Variants in UTP20 observed in about 807,000 individuals in gnomAD.
UTP20 encodes the protein small subunit processome component 20 homolog.
UTP20 carries 164 observed loss-of-function variants against 329.5 expected under a neutral mutation model. The observed-to-expected ratio is 0.50, with a 90% CI of 0.44 to 0.57. UTP20 has a LOEUF of 0.57. Ranked by LOEUF, UTP20 falls within the 20% of genes least tolerant of loss-of-function variation. UTP20 has a pLI of 0.00. For synonymous variants in UTP20, 1,151 were observed against 1,159.3 expected (o/e 0.99, Z 0.14); for missense variants, 3,055 against 3,284.2 (o/e 0.93, Z 1.71).
chr12:101,338,559 T>C (rs1593438822), intron 30 of UTP20, among the ~76,000 whole-genome samples: 1 of 152,346 alleles, frequency 6.6e-6, no homozygotes, highest in East Asian at 1.9e-4. Context: ...TCCCAAATAA[T>C]TCCCTTACTA....
chr12:101,356,794 T>A, intron 42 of UTP20, 101 bp downstream of exon 42: 1 of 1,498,392 alleles, frequency 6.7e-7, no homozygotes, highest in South Asian at 1.3e-5. Context: ...AAAAGTACTG[T>A]CATAACTTGC....
Position 101,375,755 on chromosome 12 carries a change from G to T in UTP20, c.7395G>T (p.Trp2465Cys). The T allele has an allele frequency of 1.3e-6, 2 of 1,529,664 alleles. No homozygotes were observed. The highest frequency in any genetic ancestry group is 1.8e-6 in the Non-Finnish European group (2 of 1,116,288). The allele number at this position is 1,529,664 out of a possible 1,614,324, so 94.8% of individuals were successfully genotyped here. Residue 2465 changes from tryptophan to cysteine, a missense_variant and splice_region_variant, in exon 56 of 62, where the codon TGG becomes TGT. Physicochemically the swap from Trp to Cys is radical, Grantham distance 215 (BLOSUM62 -2). This residue lies in a region of UTP20 where 273 missense variants were observed against 363.1 expected (regional missense o/e 0.75). Coordinates refer to ENST00000261637, the MANE Select transcript of UTP20 (RefSeq NM_014503.3). ...TKPAETLSKI[W>C]SHVHSHLRHP... The stretch of plus-strand genomic sequence containing the variant: ...CCGCTGAGACTTTGAGTAAAATCTG[G>T]AGTAAGTATTTCCTTTTTTATTTAA...
chr12:101,321,650 CT>C, intron 25 of UTP20, 21 bp downstream of exon 25: 5 of 1,607,572 alleles, frequency 3.1e-6, no homozygotes, highest in Non-Finnish European at 4.2e-6. Flanking sequence ...TGTTCAAACA[CT>C]GATTTTTAAA....
In UTP20 at chr12:101,385,649, G is replaced by A. The variant is rs1870801555; in HGVS notation, c.8123G>A (p.Ser2708Asn). 2 of 1,613,966 alleles carry A rather than the reference G, an allele frequency of 1.2e-6. No homozygotes were observed. Among genetic ancestry groups the A allele is most frequent in the Non-Finnish European group, 1.7e-6 (2 of 1,180,010 alleles). ...ELLKKLVGLE[S>N]FSLAFASVQK... ...CTCAAAAAGCTGGTTGGGCTTGAGA[G>A]CTTCTCATTAGCCTTTGCCTCTGTA... is the stretch of plus-strand genomic sequence containing the variant. Residue 2708 changes from serine (S) to asparagine (N), a missense_variant, in exon 61 of 62, where the codon AGC becomes AAC. Physicochemically the swap from Ser to Asn is conservative, Grantham distance 46 (BLOSUM62 1). Coordinates refer to ENST00000261637, the MANE Select transcript of UTP20 (RefSeq NM_014503.3).
At chr12:101,351,526 C>CTTT (rs753646442) in intron 38 of UTP20, among the ~76,000 whole-genome samples, 53 of 117,842 alleles carry the variant, frequency 4.5e-4, no homozygotes, top group African/African-American at 1.6e-3. Context: ...AGGCAGTGTA[C>CTTT]TTTTTTTTTT....
intron 27 of UTP20, among the ~76,000 whole-genome samples, chr12:101,331,119 T>C (rs1868744346): frequency 6.6e-6 from 1 of 152,254 alleles, no homozygotes. Context: ...AACTCAATCA[T>C]ATTGACTGTT....
At chr12:101,283,388 C>T (rs1179805537) in intron 2 of UTP20, among the ~76,000 whole-genome samples, 2 of 152,140 alleles carry the variant, frequency 1.3e-5, no homozygotes, top group African/African-American at 4.8e-5. Context: ...AGAGTGAAGG[C>T]AGAAGCTGTC....
chr12:101,340,094 T>C (rs1442655350), intron 31 of UTP20, among the ~76,000 whole-genome samples: 1 of 151,954 alleles, frequency 6.6e-6, no homozygotes, highest in Non-Finnish European at 1.5e-5. Context: ...TCAGTTTTTT[T>C]CAGGGCAAAA....
At chr12:101,382,632 C>T (rs1870683200) in intron 58 of UTP20, among the ~76,000 whole-genome samples, 1 of 152,004 alleles carries the variant, frequency 6.6e-6, no homozygotes, top group Non-Finnish European at 1.5e-5. Flanking sequence ...GCAGGCAGAT[C>T]ACCTGAGGTC....
Position 101,373,595 on chromosome 12 carries a change from A to G in UTP20, c.6959A>G (p.His2320Arg), listed in dbSNP as rs760211652. The G allele has an allele frequency of 5.0e-6, 8 of 1,610,820 alleles. No homozygotes were observed. Among genetic ancestry groups the G allele is most frequent in the African/African-American group, 2.7e-5 (2 of 74,724 alleles). The change falls in exon 54 of 62, where the codon CAT becomes CGT. Residue 2320 changes from histidine to arginine, a missense_variant. Transcript: ENST00000261637. ...LFDTFPQGLL[H>R]ENCGMFFIPL... ...CCTCTTTTCTTTTAGGGGCTGCTCC[A>G]TGAGAACTGCGGAATGTTCTTTATC... is the stretch of plus-strand genomic sequence containing the variant.
At position 101,285,654 on chromosome 12, in the gene UTP20, T is replaced by C. The variant is rs1281052229; in HGVS notation, c.193+18T>C. ...ACACTTCGGTATTTTCTATTTCGTTTCTATTTTATTCACCCATAGTTTGCA... is the reference window on the plus strand; with the variant it reads ...ACACTTCGGTATTTTCTATTTCGTTCCTATTTTATTCACCCATAGTTTGCA... On this transcript the variant is annotated intron_variant, in intron 3 of 61. Transcript: ENST00000261637. 6.2e-7 allele frequency: 1 copy of C among 1,613,812 alleles called. No individual in the cohort carries two copies. Among genetic ancestry groups the C allele is most frequent in the African/African-American group, 1.3e-5 (1 of 75,054 alleles).
Position 101,328,088 on chromosome 12 carries a change from A to G in UTP20, c.3208+841A>G, listed in dbSNP as rs115129760. On this transcript the variant is annotated intron_variant, in intron 26 of 61. Coordinates refer to ENST00000261637, the MANE Select transcript of UTP20 (RefSeq NM_014503.3). ...CAAATTGCTTTGCTTGAGGTCAAACATAGAGAATTATTTATAGGGTATTCT... is the reference window on the plus strand; with the variant it reads ...CAAATTGCTTTGCTTGAGGTCAAACGTAGAGAATTATTTATAGGGTATTCT... 4.3e-3 allele frequency among the ~76,000 whole-genome samples: 655 copies of G among 152,352 alleles called. 8 individuals are homozygous for G. The highest frequency in any genetic ancestry group is 0.015 in the African/African-American group (642 of 41,570).
Position 101,346,474 on chromosome 12 carries a change from G to A in UTP20, c.4770G>A (p.Leu1590=), listed in dbSNP as rs201613569. ...HIQIHRRARA[L]KKLAKQLMEG... Reference sequence around the variant, plus strand: ...AGATCCACAGAAGAGCAAGAGCCTTGAAGAAACTTGCAAAACAACTAATGG... The same window carrying A: ...AGATCCACAGAAGAGCAAGAGCCTTAAAGAAACTTGCAAAACAACTAATGG... The change falls in exon 38 of 62, where the codon TTG becomes TTA. Residue 1590 remains leucine, a synonymous_variant. Transcript: ENST00000261637. 1.2e-6 allele frequency: 2 copies of A among 1,607,804 alleles called. No homozygotes were observed. Among genetic ancestry groups the A allele is most frequent in the East Asian group, 2.2e-5 (1 of 44,498 alleles).
intron 36 of UTP20, among the ~76,000 whole-genome samples, chr12:101,345,255 T>C (rs1370710210): frequency 6.6e-6 from 1 of 151,996 alleles, no homozygotes; most frequent in Non-Finnish European, 1.5e-5. Context: ...ACCAGTCACT[T>C]TGGATCTAAT....
chr12:101,291,080 T>TG lies in UTP20; in HGVS notation c.891+193dup, dbSNP rs1872131120. The TG allele has an allele frequency of 3.2e-5, 16 of 505,122 alleles. No homozygotes were observed. The East Asian group carries it at 5.8e-4, about 18-fold the overall frequency. The allele number at this position is 505,122 out of a possible 1,614,324, so 31.3% of individuals were successfully genotyped here. On this transcript the variant is annotated intron_variant, in intron 8 of 61. Transcript: ENST00000261637. The stretch of plus-strand genomic sequence containing the variant: ...TTTTATTTGATATGTTATCTTGAGA[T>TG]GCAGTAGAAGGCTCTGGAGCCAGAC...
chr12:101,304,642 G>A (rs569339864), intron 15 of UTP20, among the ~76,000 whole-genome samples: 1 of 152,286 alleles, frequency 6.6e-6, no homozygotes, highest in South Asian at 2.1e-4. Flanking sequence ...TCACAGCATG[G>A]GGAAAGAGCA....
intron 11 of UTP20, 24 bp from the exon 12 acceptor site, chr12:101,295,456 T>G: frequency 6.5e-7 from 1 of 1,533,404 alleles, no homozygotes; most frequent in Non-Finnish European, 8.8e-7. Context: ...TTAATAAGTG[T>G]GATTTTTTTT....
Position 101,344,620 on chromosome 12 carries a change from A to G in UTP20, c.4475A>G (p.Asn1492Ser), listed in dbSNP as rs765762378. The change falls in exon 36 of 62, where the codon AAT becomes AGT. Residue 1492 changes from asparagine to serine, a missense_variant. Asn to Ser is a conservative substitution (Grantham distance 46, BLOSUM62 1). Transcript: ENST00000261637. ...TTAGGAGATATGAGTTTAAGTGATA[A>G]TGCCAGCATGTGCCTGATGAGTATC... is the stretch of plus-strand genomic sequence containing the variant. The part of the protein sequence containing the change: ...LELGDMSLSD[N>S]ASMCLMSIIK... 4 of 1,123,270 alleles carry G rather than the reference A, an allele frequency of 3.6e-6. No homozygotes were observed. The highest frequency in any genetic ancestry group is 5.5e-6 in the Non-Finnish European group (4 of 731,158). The allele number at this position is 1,123,270 out of a possible 1,614,324, so 69.6% of individuals were successfully genotyped here. A position where few individuals can be genotyped will look rare whatever the true frequency, so the allele number is the denominator to read the frequency against.
intron 14 of UTP20, among the ~76,000 whole-genome samples, chr12:101,301,501 C>G (rs1205856335): frequency 1.3e-5 from 2 of 152,042 alleles, no homozygotes; most frequent in Non-Finnish European, 2.9e-5. Context: ...AACCCCATCT[C>G]TACTAAAAAT....
Sources: gnomAD v4.1 joint callset for allele counts (sites outside exome capture counted in the v4.1 genomes callset) on GRCh38, gnomAD v4.1.1 for gene constraint, gnomAD v4.1.1 regional missense constraint, MANE v1.5 for transcripts, NCBI Gene and HGNC (gene_info 2026-07-23, HGNC 2026-07-21) for gene names.